NFIB: variants seen among roughly 807,000 people sequenced by gnomAD.
The protein encoded by NFIB is nuclear factor I B, also known as nuclear factor 1 B-type.
In NFIB, 11 loss-of-function variants were observed where a neutral mutation model predicts 61.5. That is an observed-to-expected ratio of 0.18 (90% CI 0.11 to 0.30). NFIB has a LOEUF of 0.30. Ranked by LOEUF, NFIB falls within the 10% of genes least tolerant of loss-of-function variation. NFIB has a pLI of 1.00. For synonymous variants in NFIB, 260 were observed against 216.5 expected (o/e 1.20, Z -1.76); for missense variants, 471 against 608.9 (o/e 0.77, Z 2.38).
chr9:14,173,931 G>C (rs1359655570), intron 3 of NFIB, among the ~76,000 whole-genome samples: 1 of 152,124 alleles, frequency 6.6e-6, no homozygotes, highest in African/African-American at 2.4e-5. Flanking sequence ...CTGCTATGTA[G>C]ATCAACCTTT....
chr9:14,159,860 T>G (rs906830233), intron 3 of NFIB, among the ~76,000 whole-genome samples: 5 of 152,322 alleles, frequency 3.3e-5, no homozygotes, highest in South Asian at 4.2e-4. Context: ...CCAAGGTCCT[T>G]GGGCCTTTCA....
intron 6 of NFIB, among the ~76,000 whole-genome samples, chr9:14,134,189 G>A (rs991674348): frequency 6.6e-6 from 1 of 152,196 alleles, no homozygotes; most frequent in African/African-American, 2.4e-5. Flanking sequence ...ATAGAGCCAT[G>A]TGCTACATTG....
the NFIB span, among the ~76,000 whole-genome samples, chr9:14,408,789 C>A: frequency 6.6e-6 from 1 of 152,124 alleles, no homozygotes; most frequent in Non-Finnish European, 1.5e-5. Context: ...TTAGCAAATA[C>A]ACAGTACTTA....
intron 2 of NFIB, chr9:14,300,350 C>G (rs995491437): frequency 2.5e-6 from 1 of 396,938 alleles, no homozygotes; most frequent in African/African-American, 2.1e-5. Flanking sequence ...GGGAAAAAGG[C>G]TGGAAAATTT....
At chr9:14,287,233 C>G (rs1383115677) in intron 2 of NFIB, among the ~76,000 whole-genome samples, 1 of 148,818 alleles carries the variant, frequency 6.7e-6, no homozygotes, top group African/African-American at 2.5e-5. Flanking sequence ...AGATCGAGAC[C>G]ATCCTGGCTA....
intron 1 of NFIB, among the ~76,000 whole-genome samples, chr9:14,365,134 G>A (rs564260907): frequency 2.0e-5 from 3 of 152,292 alleles, no homozygotes; most frequent in South Asian, 4.1e-4. Context: ...CACATGCCAA[G>A]GACTTAGTAA....
intron 2 of NFIB, among the ~76,000 whole-genome samples, chr9:14,243,949 G>T (rs2054616012): frequency 6.6e-6 from 1 of 152,166 alleles, no homozygotes; most frequent in South Asian, 2.1e-4. Context: ...TGGTTTCATG[G>T]AAATTACCGT....
the NFIB span, among the ~76,000 whole-genome samples, chr9:14,484,550 A>C: frequency 3.9e-5 from 6 of 152,238 alleles, no homozygotes; most frequent in Non-Finnish European, 2.9e-5. Context: ...TAAATGCATC[A>C]GAGAAATAAA....
the NFIB span, among the ~76,000 whole-genome samples, chr9:14,408,880 A>G: frequency 6.6e-6 from 1 of 152,216 alleles, no homozygotes; most frequent in Non-Finnish European, 1.5e-5. Flanking sequence ...AATAGTTGCT[A>G]TATTATCCCT....
intron 1 of NFIB, chr9:14,357,663 C>G (rs1013102548): frequency 1.3e-5 from 2 of 152,152 alleles, no homozygotes; most frequent in African/African-American, 2.4e-5. Flanking sequence ...GAAATGGAAA[C>G]TTATGTCCAC....
chr9:14,511,063 G>A, the NFIB span, among the ~76,000 whole-genome samples: 1 of 152,078 alleles, frequency 6.6e-6, no homozygotes. Context: ...TGCCAATTTT[G>A]GAGATTTTTG....
intron 2 of NFIB, among the ~76,000 whole-genome samples, chr9:14,292,253 C>A (rs2059153854): frequency 6.6e-6 from 1 of 152,118 alleles, no homozygotes; most frequent in East Asian, 1.9e-4. Context: ...GTATCCCAAA[C>A]TGTAAAGTGA....
chr9:14,132,170 G>C (rs987895063), intron 6 of NFIB, among the ~76,000 whole-genome samples: 2 of 152,286 alleles, frequency 1.3e-5, no homozygotes, highest in South Asian at 4.1e-4. Flanking sequence ...AAATTAAAAT[G>C]TATTAACCAT....
At chr9:14,406,417 T>C in the NFIB span, among the ~76,000 whole-genome samples, 1 of 152,194 alleles carries the variant, frequency 6.6e-6, no homozygotes, top group Non-Finnish European at 1.5e-5. Context: ...AGCTGGGCCA[T>C]GGTGAGCCAT....
intron 6 of NFIB, among the ~76,000 whole-genome samples, chr9:14,146,140 C>T (rs969820058): frequency 5.3e-5 from 8 of 152,228 alleles, no homozygotes; most frequent in Non-Finnish European, 1.0e-4. Flanking sequence ...TTATATTTCT[C>T]CTCAAAGCTG....
At chr9:14,348,429 C>T (rs2061061327) in intron 1 of NFIB, among the ~76,000 whole-genome samples, 5 of 151,926 alleles carry the variant, frequency 3.3e-5, no homozygotes, top group Non-Finnish European at 2.9e-5. Flanking sequence ...CGGCAGGGCT[C>T]ACGCTATTTC....
At chr9:14,249,567 T>C (rs943047270) in intron 2 of NFIB, among the ~76,000 whole-genome samples, 2 of 152,174 alleles carry the variant, frequency 1.3e-5, no homozygotes, top group Non-Finnish European at 2.9e-5. Flanking sequence ...CATTATCTTA[T>C]AAACTTCCTC....
the NFIB span, among the ~76,000 whole-genome samples, chr9:14,513,078 T>A: frequency 6.6e-6 from 1 of 152,136 alleles, no homozygotes; most frequent in Non-Finnish European, 1.5e-5. Flanking sequence ...CATCTAAATT[T>A]TTAAATATAC....
intron 1 of NFIB, among the ~76,000 whole-genome samples, chr9:14,346,732 G>T (rs2061027670): frequency 6.6e-6 from 1 of 152,212 alleles, no homozygotes; most frequent in Non-Finnish European, 1.5e-5. Flanking sequence ...GCTTGGGGCG[G>T]TTTCTGTGAT....
Sources: gnomAD v4.1 joint callset for allele counts (sites outside exome capture counted in the v4.1 genomes callset) on GRCh38, gnomAD v4.1.1 for gene constraint, MANE v1.5 for transcripts, NCBI Gene and HGNC (gene_info 2026-07-23, HGNC 2026-07-21) for gene names.